Variants in VRK2 observed in about 807,000 individuals in gnomAD.
VRK2 encodes the protein VRK serine/threonine kinase 2.
VRK2 carries 60 observed loss-of-function variants against 57.6 expected under a neutral mutation model. That is an observed-to-expected ratio of 1.04 (90% CI 0.85 to 1.29). The LOEUF (loss-of-function observed/expected upper bound fraction) is 1.29. Ranked by LOEUF, VRK2 falls within the 50% of genes most tolerant of loss-of-function variation. VRK2 has a pLI of 0.00. For synonymous variants in VRK2, 231 were observed against 199.2 expected, an observed-to-expected ratio of 1.16 and a Z score of -1.35; for missense variants, 705 against 588.1, an observed-to-expected ratio of 1.20 and a Z score of -2.06.
intron 1 of VRK2, among the ~76,000 whole-genome samples, chr2:57,949,738 T>TG (rs1671369237): frequency 6.6e-6 from 1 of 152,214 alleles, no homozygotes; most frequent in Non-Finnish European, 1.5e-5. Context: ...TTAAGCTTAA[T>TG]GAGGAAGGCA....
chr2:58,150,317 C>G (rs1009261862), intron 12 of VRK2, among the ~76,000 whole-genome samples: 1 of 150,884 alleles, frequency 6.6e-6, no homozygotes. Context: ...GATTTTTTTT[C>G]TTGGGTCAGT....
At chr2:57,966,121 A>G (rs986691710) in intron 1 of VRK2, among the ~76,000 whole-genome samples, 2 of 152,202 alleles carry the variant, frequency 1.3e-5, no homozygotes, top group Admixed American at 6.5e-5. Flanking sequence ...AAGACTTACT[A>G]CAGCAGAGCA....
chr2:57,937,827 CTTTTTTT>C (rs778615422), intron 1 of VRK2, among the ~76,000 whole-genome samples: 4 of 89,952 alleles, frequency 4.4e-5, no homozygotes, highest in African/African-American at 8.4e-5. Context: ...GTTTATCTTT[CTTTTTTT>C]TTTTTTTTTT....
chr2:57,919,306 T>C (rs1437672695), intron 1 of VRK2, among the ~76,000 whole-genome samples: 4 of 152,122 alleles, frequency 2.6e-5, no homozygotes, highest in South Asian at 4.1e-4. Flanking sequence ...TATTTTATAA[T>C]GTTTTATAAG....
chr2:57,985,542 A>C (rs2104064717), intron 1 of VRK2, among the ~76,000 whole-genome samples: 1 of 152,132 alleles, frequency 6.6e-6, no homozygotes, highest in African/African-American at 2.4e-5. Context: ...ATATGATATT[A>C]TATTACATCC....
intron 7 of VRK2, among the ~76,000 whole-genome samples, chr2:58,113,579 A>G (rs1573179294): frequency 6.6e-6 from 1 of 152,084 alleles, no homozygotes; most frequent in East Asian, 1.9e-4. Flanking sequence ...GGATTTGGGA[A>G]GGTAATGGAA....
chr2:58,085,824 CTTTA>C (rs956535572), intron 4 of VRK2, among the ~76,000 whole-genome samples: 5 of 151,206 alleles, frequency 3.3e-5, no homozygotes, highest in African/African-American at 1.2e-4. Flanking sequence ...TGAAAGTTAA[CTTTA>C]TTTAAGTGGA....
intron 1 of VRK2, among the ~76,000 whole-genome samples, chr2:58,018,833 GT>G (rs1373168856): frequency 1.3e-5 from 2 of 152,026 alleles, no homozygotes; most frequent in East Asian, 3.9e-4. Flanking sequence ...TATTCTGCAG[GT>G]TTGTTCCATC....
intron 12 of VRK2, among the ~76,000 whole-genome samples, chr2:58,148,752 T>C (rs1233460330): frequency 6.6e-6 from 1 of 151,782 alleles, no homozygotes; most frequent in Non-Finnish European, 1.5e-5. Context: ...TGCACCATCA[T>C]TTATTGAAAA....
chr2:58,129,927 A>C (rs1157129465), intron 8 of VRK2, among the ~76,000 whole-genome samples: 1 of 152,110 alleles, frequency 6.6e-6, no homozygotes, highest in African/African-American at 2.4e-5. Context: ...ACCGATGTGC[A>C]AAAAAGAAAA....
At chr2:58,109,738 A>G (rs2104402813) in intron 7 of VRK2, among the ~76,000 whole-genome samples, 1 of 152,328 alleles carries the variant, frequency 6.6e-6, no homozygotes, top group Non-Finnish European at 1.5e-5. Flanking sequence ...TACAATTCAG[A>G]TTACAATTCA....
intron 2 of VRK2, among the ~76,000 whole-genome samples, chr2:58,059,709 G>A (rs553747422): frequency 1.6e-3 from 243 of 151,740 alleles, no homozygotes; most frequent in African/African-American, 5.6e-3. Context: ...ATACTCAAGG[G>A]TGATTTCATG....
chr2:58,157,990 G>A (rs1034522032), intron 12 of VRK2, among the ~76,000 whole-genome samples: 3 of 152,168 alleles, frequency 2.0e-5, no homozygotes, highest in Admixed American at 1.3e-4. Flanking sequence ...GAAGACAACA[G>A]GTGGTTAAAT....
intron 1 of VRK2, among the ~76,000 whole-genome samples, chr2:57,973,145 A>C (rs919566606): frequency 6.6e-6 from 1 of 151,920 alleles, no homozygotes; most frequent in African/African-American, 2.4e-5. Context: ...CCAGCAATAT[A>C]TAAGAGTGCC....
At chr2:58,118,847 T>C (rs974860140) in intron 7 of VRK2, among the ~76,000 whole-genome samples, 1 of 151,792 alleles carries the variant, frequency 6.6e-6, no homozygotes, top group Admixed American at 6.6e-5. Context: ...TTTGGGAAGG[T>C]AATGGAAAAT....
At chr2:58,137,224 C>CATATATGATACATATATATCATAT (rs147019487) in intron 10 of VRK2, among the ~76,000 whole-genome samples, 3 of 65,146 alleles carry the variant, frequency 4.6e-5, no homozygotes, top group African/African-American at 8.4e-5. Flanking sequence ...ACATATATAT[C>CATATATGATACATATATATCATAT]ATATGATACA....
intron 1 of VRK2, among the ~76,000 whole-genome samples, chr2:57,964,900 A>C (rs1370276728): frequency 6.6e-6 from 1 of 151,232 alleles, no homozygotes; most frequent in Non-Finnish European, 1.5e-5. Context: ...AAAAAAAAAA[A>C]AAAAAAAACT....
chr2:58,022,886 A>C (rs1456935199), intron 1 of VRK2, among the ~76,000 whole-genome samples: 1 of 152,212 alleles, frequency 6.6e-6, no homozygotes, highest in Non-Finnish European at 1.5e-5. Context: ...AAAAAGAAAA[A>C]AATATGAGGA....
chr2:58,153,267 G>T (rs1046358922), intron 12 of VRK2, among the ~76,000 whole-genome samples: 41 of 152,098 alleles, frequency 2.7e-4, no homozygotes, highest in African/African-American at 8.4e-4. Flanking sequence ...GTAGTAATCT[G>T]AAGTATGGAT....
Sources: allele counts gnomAD v4.1 joint callset (sites outside exome capture counted in the v4.1 genomes callset), GRCh38; gene constraint gnomAD v4.1.1; transcripts MANE v1.5; gene names NCBI Gene and HGNC (gene_info 2026-07-23, HGNC 2026-07-21).